CYP4F22: variants seen among roughly 807,000 people sequenced by gnomAD.
The protein encoded by CYP4F22 is ultra-long-chain fatty acid omega-hydroxylase.
A neutral mutation model predicts 60.4 loss-of-function variants in CYP4F22; 37 were observed. The observed-to-expected ratio is 0.61, with a 90% CI of 0.47 to 0.81. The LOEUF (loss-of-function observed/expected upper bound fraction) is 0.81. Ranked by LOEUF, CYP4F22 falls within the 30% of genes least tolerant of loss-of-function variation. CYP4F22 has a pLI of 0.00. For synonymous variants in CYP4F22, 258 were observed against 280.5 expected (o/e 0.92, Z 0.80); for missense variants, 655 against 715.0 (o/e 0.92, Z 0.96).
chr19:15,520,598 A>AT (rs1971212707), intron 1 of CYP4F22, among the ~76,000 whole-genome samples: 1 of 151,444 alleles, frequency 6.6e-6, no homozygotes, highest in Non-Finnish European at 1.5e-5. Context: ...TTTCATTTTT[A>AT]TTTTTTTGAG....
intron 4 of CYP4F22, 88 bp from the exon 5 acceptor site, chr19:15,537,273 C>A: frequency 5.1e-6 from 8 of 1,560,308 alleles, no homozygotes; most frequent in Non-Finnish European, 7.0e-6. Flanking sequence ...TGCACTCCAG[C>A]CTGGATGACA....
At chr19:15,537,157 C>T (rs1373880286) in intron 4 of CYP4F22, among the ~76,000 whole-genome samples, 16 of 151,946 alleles carry the variant, frequency 1.1e-4, no homozygotes, top group East Asian at 1.9e-4. Context: ...ACAAATTAGC[C>T]GGGCATGGTG....
At chr19:15,515,844 C>A (rs1460069621) in intron 1 of CYP4F22, among the ~76,000 whole-genome samples, 5 of 151,986 alleles carry the variant, frequency 3.3e-5, no homozygotes, top group Non-Finnish European at 7.4e-5. Context: ...CTGCCTCAGC[C>A]TCCTGAGTAG....
chr19:15,529,684 A>G (rs751043681), intron 3 of CYP4F22, 25 bp from the exon 4 acceptor site: 2 of 1,613,598 alleles, frequency 1.2e-6, no homozygotes, highest in African/African-American at 1.3e-5. Flanking sequence ...GTACCTCCTC[A>G]TTGCTCCTCC....
At chr19:15,513,312 A>C (rs1448801092) in intron 1 of CYP4F22, among the ~76,000 whole-genome samples, 2 of 149,382 alleles carry the variant, frequency 1.3e-5, no homozygotes, top group Non-Finnish European at 3.0e-5. Context: ...AGTAGCTGGG[A>C]CTACAGGCGA....
At chr19:15,542,354 A>T (rs913166952) in intron 8 of CYP4F22, among the ~76,000 whole-genome samples, 4 of 149,476 alleles carry the variant, frequency 2.7e-5, no homozygotes, top group African/African-American at 9.8e-5. Flanking sequence ...CAACATATTG[A>T]AACACCGTCT....
At chr19:15,550,117 G>C (rs1034907235) in intron 12 of CYP4F22, among the ~76,000 whole-genome samples, 2 of 152,028 alleles carry the variant, frequency 1.3e-5, no homozygotes, top group East Asian at 3.9e-4. Flanking sequence ...TTTTAGTAGA[G>C]ATGGGGTTTC....
In CYP4F22 at chr19:15,544,080, T is replaced by C. The variant is rs1373351144; in HGVS notation, c.1006+43T>C. On this transcript the variant is annotated intron_variant, in intron 9 of 13. Coordinates refer to ENST00000269703, the MANE Select transcript of CYP4F22 (RefSeq NM_173483.4). ...GGCTGGAGGAGGGCAGGAAGGGACA[T>C]CATTGTCTGTAGACAGCATCTCTGC... The C allele has an allele frequency of 3.1e-6, 5 of 1,613,960 alleles. No individual in the cohort carries two copies. In the East Asian group the frequency reaches 8.9e-5, roughly 29 times the overall value.
chr19:15,532,685 CT>C (rs992016334), intron 4 of CYP4F22, among the ~76,000 whole-genome samples: 2 of 151,392 alleles, frequency 1.3e-5, no homozygotes, highest in Admixed American at 6.6e-5. Flanking sequence ...CCTGGTCTCT[CT>C]TTTTTCTCCT....
chr19:15,519,612 T>C (rs1971197566), intron 1 of CYP4F22, among the ~76,000 whole-genome samples: 2 of 151,952 alleles, frequency 1.3e-5, no homozygotes. Context: ...AGGAGTGAGT[T>C]CCTGAAGGGC....
intron 7 of CYP4F22, among the ~76,000 whole-genome samples, chr19:15,539,279 C>T (rs1028526961): frequency 2.0e-5 from 3 of 152,170 alleles, no homozygotes; most frequent in East Asian, 1.9e-4. Flanking sequence ...ATATTTCACA[C>T]GGATGGAATC....
chr19:15,548,002 A>AGAGAGAGAGAGTGTGTGTGT (rs1237209926), intron 10 of CYP4F22, 106 bp from the exon 11 acceptor site: 1 of 322,380 alleles, frequency 3.1e-6, no homozygotes, highest in African/African-American at 4.1e-5. Flanking sequence ...AGAGGGAGAG[A>AGAGAGAGAGAGTGTGTGTGT]GTGTGTGTGT....
At chr19:15,540,822 C>T in intron 8 of CYP4F22, 105 bp downstream of exon 8, 1 of 1,428,830 alleles carries the variant, frequency 7.0e-7, no homozygotes, top group South Asian at 1.2e-5. Flanking sequence ...TGGTGGCTCA[C>T]ACGTGTAATC....
At chr19:15,534,448 G>T (rs528642965) in intron 4 of CYP4F22, among the ~76,000 whole-genome samples, 2 of 152,194 alleles carry the variant, frequency 1.3e-5, no homozygotes, top group South Asian at 4.1e-4. Flanking sequence ...ATCCATGGTA[G>T]GCATTACCAT....
intron 10 of CYP4F22, among the ~76,000 whole-genome samples, chr19:15,544,908 A>C (rs1971503681): frequency 6.6e-6 from 1 of 152,096 alleles, no homozygotes; most frequent in Admixed American, 6.6e-5. Flanking sequence ...TAAAAATACA[A>C]AAATTAGCCA....
In CYP4F22 at chr19:15,544,137, C is replaced by G; in HGVS notation, c.1007-13C>G. On this transcript the variant is annotated splice_polypyrimidine_tract_variant and intron_variant, in intron 9 of 13. Transcript: ENST00000269703. ...CAGGCAGCCTCCATTCAGATACCCTCATCTCCCTGCAGGTCACGACACAAC... is the reference window on the plus strand; with the variant it reads ...CAGGCAGCCTCCATTCAGATACCCTGATCTCCCTGCAGGTCACGACACAAC... 6.2e-7 allele frequency: 1 copy of G among 1,614,196 alleles called. No individual in the cohort carries two copies. Among genetic ancestry groups the G allele is most frequent in the African/African-American group, 1.3e-5 (1 of 75,044 alleles).
chr19:15,532,628 T>C (rs531367063), intron 4 of CYP4F22, among the ~76,000 whole-genome samples: 43 of 152,090 alleles, frequency 2.8e-4, no homozygotes, highest in African/African-American at 1.0e-3. Context: ...GTGATTCTCC[T>C]GCCTTGGCCT....
intron 11 of CYP4F22, 116 bp from the exon 12 acceptor site, chr19:15,549,022 G>T (rs1372493873): frequency 1.3e-5 from 14 of 1,100,046 alleles, no homozygotes; most frequent in Non-Finnish European, 1.9e-5. Context: ...ATGGACAGAA[G>T]GTGGTGGCAG....
chr19:15,520,187 A>C (rs1971205085), intron 1 of CYP4F22, among the ~76,000 whole-genome samples: 2 of 151,914 alleles, frequency 1.3e-5, no homozygotes, highest in Non-Finnish European at 2.9e-5. Flanking sequence ...TACTAAAAAT[A>C]CAAAAAAAAT....
Sources: allele counts gnomAD v4.1 joint callset (sites outside exome capture counted in the v4.1 genomes callset), GRCh38; gene constraint gnomAD v4.1.1; transcripts MANE v1.5; gene names NCBI Gene and HGNC (gene_info 2026-07-23, HGNC 2026-07-21).